Variants in AP1AR observed in about 807,000 individuals in gnomAD.
AP1AR encodes the protein AP-1 complex-associated regulatory protein.
In AP1AR, 29 loss-of-function variants were observed where a neutral mutation model predicts 46.3. The ratio of observed to expected loss-of-function variants is 0.63; its 90% CI spans 0.47 to 0.85. AP1AR has a LOEUF of 0.85. Ranked by LOEUF, AP1AR falls within the 40% of genes least tolerant of loss-of-function variation. The pLI, the probability that AP1AR is intolerant of heterozygous loss-of-function variation, is 0.00. For missense variants in AP1AR, 357 were observed against 356.3 expected, an observed-to-expected ratio of 1.00 and a Z score of -0.02; for synonymous variants, 122 against 122.9, an observed-to-expected ratio of 0.99 and a Z score of 0.05.
chr4:112,261,918 G>A (rs997561531), intron 5 of AP1AR, among the ~76,000 whole-genome samples: 5 of 151,360 alleles, frequency 3.3e-5, no homozygotes, highest in Non-Finnish European at 3.0e-5. Context: ...ATGGGAGGTC[G>A]AAGGGGAGCC....
intron 1 of AP1AR, among the ~76,000 whole-genome samples, chr4:112,235,126 T>C (rs187490626): frequency 6.6e-6 from 1 of 152,324 alleles, no homozygotes; most frequent in East Asian, 1.9e-4. Flanking sequence ...TAAATATCTT[T>C]AAGGAATAAA....
At chr4:112,232,333 C>CCCAGTCTGGGGT (rs1725049203) in intron 1 of AP1AR, among the ~76,000 whole-genome samples, 159 bp downstream of exon 1, 1 of 152,186 alleles carries the variant, frequency 6.6e-6, no homozygotes, top group Non-Finnish European at 1.5e-5. Flanking sequence ...GTCTTGGAGG[C>CCCAGTCTGGGGT]CCAGTCTGGG....
intron 1 of AP1AR, among the ~76,000 whole-genome samples, chr4:112,239,192 A>G (rs1380896629): frequency 6.6e-6 from 1 of 152,188 alleles, no homozygotes; most frequent in Non-Finnish European, 1.5e-5. Flanking sequence ...AAAGGAAAGC[A>G]ACATGAAACC....
intron 1 of AP1AR, among the ~76,000 whole-genome samples, chr4:112,251,696 A>G (rs1379796715): frequency 1.3e-5 from 2 of 152,164 alleles, no homozygotes; most frequent in African/African-American, 2.4e-5. Context: ...GGTTCAACTC[A>G]TTTCTGTATT....
At chr4:112,246,674 A>G (rs1725739579) in intron 1 of AP1AR, among the ~76,000 whole-genome samples, 1 of 152,210 alleles carries the variant, frequency 6.6e-6, no homozygotes, top group South Asian at 2.1e-4. Flanking sequence ...ACTTGTGTCT[A>G]GGTAAAGACA....
chr4:112,235,082 A>G (rs958442408), intron 1 of AP1AR, among the ~76,000 whole-genome samples: 3 of 152,182 alleles, frequency 2.0e-5, no homozygotes, highest in African/African-American at 7.2e-5. Flanking sequence ...CCCTACTACT[A>G]ATGAAGTCAT....
intron 3 of AP1AR, among the ~76,000 whole-genome samples, chr4:112,255,656 CTCTTT>C: frequency 6.6e-6 from 1 of 152,200 alleles, no homozygotes; most frequent in Non-Finnish European, 1.5e-5. Flanking sequence ...TAGCCATCAT[CTCTTT>C]TATCTTTTCT....
chr4:112,233,879 C>T (rs1352978996), intron 1 of AP1AR, among the ~76,000 whole-genome samples: 2 of 151,906 alleles, frequency 1.3e-5, no homozygotes, highest in African/African-American at 2.4e-5. Flanking sequence ...TTTTTTGAGA[C>T]GGAGTCTCGC....
chr4:112,271,118 G>T lies in AP1AR; in HGVS notation c.*2709G>T, dbSNP rs548894954. ...GTAACACATCTGGCATGGTGCCGTG[G>T]CTACCTTGCTCACTGCACATAGTCC... On this transcript the variant is annotated 3_prime_UTR_variant, in exon 10 of 10. Coordinates refer to ENST00000274000, the MANE Select transcript of AP1AR (RefSeq NM_018569.6). Among the ~76,000 whole-genome samples, 1 of 152,292 alleles carries T rather than the reference G, an allele frequency of 6.6e-6. No homozygotes were observed. Among genetic ancestry groups the T allele is most frequent in the South Asian group, 2.1e-4 (1 of 4,820 alleles).
chr4:112,232,150 T>A lies in AP1AR; in HGVS notation c.59T>A (p.Leu20Gln), dbSNP rs1725032220. The stretch of plus-strand genomic sequence containing the variant: ...CTGCTTCGCAAGGAAGCGGGGCGGC[T>A]GCAGCGAGTAGGCGGCGGCGGAGGG... ...FGLLRKEAGR[L>Q]QRVGGGGGSK... Residue 20 changes from leucine (L) to glutamine (Q), a missense_variant, in exon 1 of 10, where the codon CTG becomes CAG. Physicochemically the swap from Leu to Gln is moderately radical, Grantham distance 113 (BLOSUM62 -2). Coordinates refer to ENST00000274000, the MANE Select transcript of AP1AR (RefSeq NM_018569.6). The A allele has an allele frequency of 7.8e-7, 1 of 1,281,052 alleles. No homozygotes were observed. Among genetic ancestry groups the A allele is most frequent in the Non-Finnish European group, 1.0e-6 (1 of 1,004,960 alleles). The allele number at this position is 1,281,052 out of a possible 1,614,324, so 79.4% of individuals were successfully genotyped here. A position where few individuals can be genotyped will look rare whatever the true frequency, so the allele number is the denominator to read the frequency against.
intron 5 of AP1AR, among the ~76,000 whole-genome samples, chr4:112,261,187 C>T (rs1329062586): frequency 1.3e-5 from 2 of 152,186 alleles, no homozygotes; most frequent in Non-Finnish European, 2.9e-5. Context: ...AATCCCAGCA[C>T]ATTGGGTGGC....
chr4:112,263,623 A>C lies in AP1AR; in HGVS notation c.381+537A>C, dbSNP rs560732584. On this transcript the variant is annotated intron_variant, in intron 6 of 9. Coordinates refer to ENST00000274000, the MANE Select transcript of AP1AR (RefSeq NM_018569.6). ...GTTTGGGTCTTGAGAAATCGTTGGA[A>C]TATTATCAGAGAAGGCAGCAGATTT... is the stretch of plus-strand genomic sequence containing the variant. Among the ~76,000 whole-genome samples the C allele has an allele frequency of 1.3e-4, 20 of 152,242 alleles. No homozygotes were observed. In the South Asian group the frequency reaches 4.1e-3, roughly 32 times the overall value.
intron 1 of AP1AR, among the ~76,000 whole-genome samples, chr4:112,244,086 A>G (rs910758231): frequency 2.0e-5 from 3 of 152,230 alleles, no homozygotes; most frequent in African/African-American, 7.2e-5. Flanking sequence ...ATGAAAAAAT[A>G]TAAGAGACTA....
At chr4:112,237,104 A>C (rs189171765) in intron 1 of AP1AR, among the ~76,000 whole-genome samples, 1 of 152,108 alleles carries the variant, frequency 6.6e-6, no homozygotes, top group Admixed American at 6.5e-5. Flanking sequence ...CCTAAAATAC[A>C]GTGTTTTCTT....
Position 112,272,414 on chromosome 4 carries a change from C to CA in AP1AR, c.*4006dup, listed in dbSNP as rs1188178613. Reference sequence around the variant, plus strand: ...ACATGCGCAGTAAGGGGCAAAATGACAGAGTTTGACAAATATATGACCTTC... The same window carrying CA: ...ACATGCGCAGTAAGGGGCAAAATGACAAGAGTTTGACAAATATATGACCTTC... On this transcript the variant is annotated 3_prime_UTR_variant, in exon 10 of 10. Transcript: ENST00000274000. 2.6e-5 allele frequency among the ~76,000 whole-genome samples: 4 copies of CA among 152,108 alleles called. No homozygotes were observed. The highest frequency in any genetic ancestry group is 5.9e-5 in the Non-Finnish European group (4 of 68,010).
chr4:112,257,818 A>AG, intron 4 of AP1AR, 21 bp downstream of exon 4: 1 of 1,544,930 alleles, frequency 6.5e-7, no homozygotes, highest in Non-Finnish European at 8.7e-7. Flanking sequence ...GTTAAAAAAA[A>AG]AAAACAAAAC....
intron 4 of AP1AR, among the ~76,000 whole-genome samples, chr4:112,260,103 C>CT (rs1277420999): frequency 6.6e-6 from 1 of 152,032 alleles, no homozygotes; most frequent in African/African-American, 2.4e-5. Flanking sequence ...CTCTAGCAGC[C>CT]TGAAACAGGA....
At chr4:112,266,850 A>G (rs2110495222) in intron 9 of AP1AR, 134 bp downstream of exon 9, 1 of 770,350 alleles carries the variant, frequency 1.3e-6, no homozygotes, top group Non-Finnish European at 1.9e-6. Flanking sequence ...TTTTTAGACC[A>G]TTATTGTATT....
At chr4:112,245,284 C>T (rs975531310) in intron 1 of AP1AR, among the ~76,000 whole-genome samples, 1 of 151,968 alleles carries the variant, frequency 6.6e-6, no homozygotes, top group African/African-American at 2.4e-5. Flanking sequence ...ATAATGTGAA[C>T]AGTGTTATAT....
Sources: gnomAD v4.1 joint callset for allele counts (sites outside exome capture counted in the v4.1 genomes callset) on GRCh38, gnomAD v4.1.1 for gene constraint, MANE v1.5 for transcripts, NCBI Gene and HGNC (gene_info 2026-07-23, HGNC 2026-07-21) for gene names.